MAST1: variants seen among roughly 807,000 people sequenced by gnomAD.
MAST1 encodes microtubule associated serine/threonine kinase 1, also known as microtubule-associated serine/threonine-protein kinase 1.
A neutral mutation model predicts 124.6 loss-of-function variants in MAST1; 40 were observed. The observed-to-expected ratio is 0.32, with a 90% CI of 0.25 to 0.42. The LOEUF (loss-of-function observed/expected upper bound fraction) is 0.42, where lower values mean the gene tolerates loss of function less well. MAST1 is among the 10% of genes least tolerant of loss of function. MAST1 has a pLI of 1.00. For missense variants in MAST1, 1,558 were observed against 2,181.9 expected, an observed-to-expected ratio of 0.71 and a Z score of 5.70; for synonymous variants, 938 against 939.4, an observed-to-expected ratio of 1.00 and a Z score of 0.03.
At chr19:12,858,262 T>G (rs1482736243) in intron 10 of MAST1, 100 bp from the exon 11 acceptor site, 3 of 1,072,386 alleles carry the variant, frequency 2.8e-6, no homozygotes, top group Non-Finnish European at 4.2e-6. Context: ...TGAAGGACTC[T>G]TTCATTCTGT....
In MAST1 at chr19:12,864,967, A is replaced by G. The variant is rs1311307160; in HGVS notation, c.1505+20A>G. 1.2e-6 allele frequency: 2 copies of G among 1,613,898 alleles called. No homozygotes were observed. Among genetic ancestry groups the G allele is most frequent in the African/African-American group, 1.3e-5 (1 of 74,952 alleles). ...TGACAAGTGAGCTTTGATCTTTCCC[A>G]TCACTCCCTCTGTCCCTCGGGAGGC... On this transcript the variant is annotated intron_variant, in intron 13 of 25. Coordinates refer to ENST00000251472, the MANE Select transcript of MAST1 (RefSeq NM_014975.3).
Position 12,843,335 on chromosome 19 carries a change from C to T in MAST1, c.249-194C>T, listed in dbSNP as rs79101808. Among the ~76,000 whole-genome samples, 953 of 152,092 alleles carry T rather than the reference C, an allele frequency of 6.3e-3. 4 individuals carry two copies. The highest frequency in any genetic ancestry group is 0.025 in the South Asian group (120 of 4,802). On this transcript the variant is annotated intron_variant, in intron 3 of 25. Transcript: ENST00000251472. The surrounding 1 kb of genome is among the most constrained non-coding windows in gnomAD (Gnocchi z 4.9). ...GGGGAGGAGAGTGGAGACGGATCCT[C>T]CCTCCAATTCCCGGTGCCTGCCTGG... is the stretch of plus-strand genomic sequence containing the variant.
intron 24 of MAST1, 102 bp downstream of exon 24, chr19:12,871,274 C>T (rs1353842587): frequency 1.6e-5 from 24 of 1,515,526 alleles, no homozygotes; most frequent in South Asian, 1.1e-4. Flanking sequence ...GGAAAGGTGG[C>T]GGGAACAAAT....
rs1568416227 is a variant in MAST1 at position 12,873,409 on chromosome 19, T to G, written c.3349T>G (p.Ser1117Ala). The change falls in exon 25 of 26, where the codon TCG (serine) becomes GCG (alanine). Residue 1117 changes from serine to alanine, a missense_variant. Ser to Ala is a moderately conservative substitution (Grantham distance 99). Coordinates refer to ENST00000251472, the MANE Select transcript of MAST1 (RefSeq NM_014975.3). Reference protein sequence around the residue: ...TSRSLSSLNRSLSSSDSLPGS... With the variant: ...TSRSLSSLNRALSSSDSLPGS... Reference sequence around the variant, plus strand: ...CCGCTCGCTGTCGTCGCTGAACCGCTCGCTGTCATCCAGCGATAGTCTCCC... The same window carrying G: ...CCGCTCGCTGTCGTCGCTGAACCGCGCGCTGTCATCCAGCGATAGTCTCCC... 1 of 1,613,802 alleles carries G rather than the reference T, an allele frequency of 6.2e-7. No homozygotes were observed. The highest frequency in any genetic ancestry group is 8.5e-7 in the Non-Finnish European group (1 of 1,180,006).
Position 12,864,817 on chromosome 19 carries a change from T to C in MAST1, c.1375T>C (p.Cys459Arg), listed in dbSNP as rs1367205884. The change falls in exon 13 of 26, where the codon TGT becomes CGT. Residue 459 changes from cysteine (C) to arginine (R), a missense_variant. Transcript: ENST00000251472. ...MVMEYVEGGD[C>R]ATLLKNIGAL... The stretch of plus-strand genomic sequence containing the variant: ...CATTTCCTGGCCTGCAGGCGGCGAC[T>C]GTGCCACCCTGCTGAAGAATATTGG... 1 of 1,613,858 alleles carries C rather than the reference T, an allele frequency of 6.2e-7. No homozygotes were observed. Among genetic ancestry groups the C allele is most frequent in the Non-Finnish European group, 8.5e-7 (1 of 1,180,012 alleles).
chr19:12,873,269 G>A, intron 24 of MAST1, 55 bp from the exon 25 acceptor site: 4 of 1,556,864 alleles, frequency 2.6e-6, no homozygotes, highest in Non-Finnish European at 2.6e-6. Flanking sequence ...AATGGGAGGA[G>A]CCCTGAGCTC....
chr19:12,847,735 T>C lies in MAST1; in HGVS notation c.564+48T>C. On this transcript the variant is annotated intron_variant, in intron 6 of 25. Coordinates refer to ENST00000251472, the MANE Select transcript of MAST1 (RefSeq NM_014975.3). The surrounding 1 kb of genome is among the most constrained non-coding windows in gnomAD (Gnocchi z 5.5). ...CACGGGGTGACCAGGCGGCCTGCACTCTCGCTCGCCTTATCCCCGCGCGCC... is the reference window on the plus strand; with the variant it reads ...CACGGGGTGACCAGGCGGCCTGCACCCTCGCTCGCCTTATCCCCGCGCGCC... 6.2e-7 allele frequency: 1 copy of C among 1,602,512 alleles called. No homozygotes were observed. The highest frequency in any genetic ancestry group is 8.5e-7 in the Non-Finnish European group (1 of 1,172,560).
In MAST1 at chr19:12,865,589, C is replaced by T; in HGVS notation, c.1804+108C>T. 1 of 1,483,270 alleles carries T rather than the reference C, an allele frequency of 6.7e-7. No homozygotes were observed. 91.9% of individuals were successfully genotyped at this position (1,483,270 alleles called of 1,614,324 possible). A position where few individuals can be genotyped will look rare whatever the true frequency, so the allele number is the denominator to read the frequency against. On this transcript the variant is annotated intron_variant, in intron 15 of 25. Transcript: ENST00000251472. This position sits in a 1 kb window ranked among gnomAD's most constrained non-coding sequence, Gnocchi z 7.1. ...GCGACCCCCCAGAGGATCGCTTGCA[C>T]TCAGGAGGTCAAGGCTGCAGTGAGC...
At chr19:12,864,050 G>C (rs1008192261) in intron 12 of MAST1, among the ~76,000 whole-genome samples, 2 of 150,574 alleles carry the variant, frequency 1.3e-5, no homozygotes, top group Non-Finnish European at 2.9e-5. Flanking sequence ...TTAGCCTCCC[G>C]AGTAGCTGGG....
Position 12,873,795 on chromosome 19 carries a change from C to T in MAST1, c.3638C>T (p.Pro1213Leu). ...TCGCCGCTGGCACACACGCCGTCCCCCACGCAGGCGTCACCGCCGCCACTG... is the reference window on the plus strand; with the variant it reads ...TCGCCGCTGGCACACACGCCGTCCCTCACGCAGGCGTCACCGCCGCCACTG... ...PLSPLAHTPS[P>L]TQASPPPLPG... Residue 1213 changes from proline (P) to leucine (L), a missense_variant, in exon 26 of 26, where the codon CCC (proline) becomes CTC (leucine). This residue lies in a region of MAST1 where 291 missense variants were observed against 475.8 expected (regional missense o/e 0.61). Transcript: ENST00000251472. The T allele has an allele frequency of 6.3e-7, 1 of 1,596,978 alleles. No homozygotes were observed. Among genetic ancestry groups the T allele is most frequent in the Non-Finnish European group, 8.5e-7 (1 of 1,178,224 alleles).
intron 4 of MAST1, among the ~76,000 whole-genome samples, chr19:12,846,039 G>C (rs905331282): frequency 2.0e-5 from 3 of 151,874 alleles, no homozygotes; most frequent in Admixed American, 6.6e-5. Context: ...GCAACATAGA[G>C]AGACCCTGTC....
chr19:12,857,505 G>A (rs187647601), intron 10 of MAST1, among the ~76,000 whole-genome samples: 17 of 151,560 alleles, frequency 1.1e-4, no homozygotes, highest in Non-Finnish European at 2.2e-4. Context: ...TCTGCCTCCC[G>A]GGTTCACGCC....
intron 10 of MAST1, among the ~76,000 whole-genome samples, chr19:12,855,260 A>G (rs1315721684): frequency 1.3e-5 from 2 of 152,146 alleles, no homozygotes; most frequent in African/African-American, 4.8e-5. Context: ...GATAAATAAA[A>G]GAAGCAAAAT....
At chr19:12,872,053 T>C (rs1970242746) in intron 24 of MAST1, among the ~76,000 whole-genome samples, 1 of 151,588 alleles carries the variant, frequency 6.6e-6, no homozygotes, top group East Asian at 1.9e-4. Context: ...AGATGTGAAC[T>C]GGAAAGGGAG....
intron 2 of MAST1, 59 bp downstream of exon 2, chr19:12,840,593 A>C: frequency 7.9e-7 from 1 of 1,262,222 alleles, no homozygotes; most frequent in Non-Finnish European, 1.1e-6. Flanking sequence ...GCGGGGCCTC[A>C]GGCGAGGAAG....
chr19:12,865,688 C>A lies in MAST1; in HGVS notation c.1805-29C>A, dbSNP rs1276290250. The A allele has an allele frequency of 1.9e-6, 3 of 1,574,634 alleles. No individual in the cohort carries two copies. The highest frequency in any genetic ancestry group is 2.6e-6 in the Non-Finnish European group (3 of 1,152,762). ...GTCCAAACAACAACAACAACAAAAA[C>A]CGCCCCTAAGTTCCGTTTTGTTTTG... On this transcript the variant is annotated intron_variant, in intron 15 of 25. Coordinates refer to ENST00000251472, the MANE Select transcript of MAST1 (RefSeq NM_014975.3). This position sits in a 1 kb window ranked among gnomAD's most constrained non-coding sequence, Gnocchi z 7.1.
chr19:12,870,975 C>T (rs192936354), intron 23 of MAST1, 29 bp downstream of exon 23: 56 of 1,595,838 alleles, frequency 3.5e-5, no homozygotes, highest in Admixed American at 2.7e-4. Context: ...GCACCCTGGG[C>T]GGAGGGTGGG....
intron 24 of MAST1, 95 bp from the exon 25 acceptor site, chr19:12,873,229 G>A: frequency 1.6e-6 from 2 of 1,217,598 alleles, no homozygotes; most frequent in South Asian, 1.4e-5. Context: ...GGGCCAGAAG[G>A]GGTGGGTGGT....
In MAST1 at chr19:12,867,797, C is replaced by T; in HGVS notation, c.2386C>T (p.Arg796Cys). The stretch of plus-strand genomic sequence containing the variant: ...GGCCAGTCCCCCTTTGGGCGCCCGC[C>T]GCCGTTTCTCGGCGCTGCTGGAGCC... ...GEASPPLGARRRFSALLEPSR... is the reference protein window; with the variant it reads ...GEASPPLGARCRFSALLEPSR... Residue 796 changes from arginine (R) to cysteine (C), a missense_variant, in exon 20 of 26, where the codon CGC (arginine) becomes TGC (cysteine). Physicochemically the swap from Arg to Cys is radical, Grantham distance 180. Transcript: ENST00000251472. The T allele has an allele frequency of 6.4e-7, 1 of 1,571,928 alleles. No individual in the cohort carries two copies. Among genetic ancestry groups the T allele is most frequent in the South Asian group, 1.1e-5 (1 of 87,456 alleles).
Sources: allele counts gnomAD v4.1 joint callset (sites outside exome capture counted in the v4.1 genomes callset), GRCh38; gene constraint gnomAD v4.1.1; regional missense constraint gnomAD v4.1.1; non-coding constraint Gnocchi (gnomAD v3.1); transcripts MANE v1.5; gene names NCBI Gene and HGNC (gene_info 2026-07-23, HGNC 2026-07-21).